IL1RAPL2: variants seen among roughly 807,000 people sequenced by gnomAD.
IL1RAPL2 encodes the protein interleukin 1 receptor accessory protein like 2.
In IL1RAPL2, 3 loss-of-function variants were observed where a neutral mutation model predicts 44.1. That is an observed-to-expected ratio of 0.07 (90% CI 0.03 to 0.18). The LOEUF is 0.18. Among genes scored for constraint, IL1RAPL2 ranks in the 10% least tolerant of loss-of-function variants. The pLI is 1.00. For missense variants in IL1RAPL2, 391 were observed against 496.4 expected (o/e 0.79, Z 2.02); for synonymous variants, 181 against 178.8 (o/e 1.01, Z -0.10).
rs753996218 is a variant in IL1RAPL2 at position 105,320,403 on chromosome X, G to C, written c.697+52862G>C. Among the ~76,000 whole-genome samples the C allele has an allele frequency of 8.2e-3, 917 of 111,846 alleles. 5 individuals carry two copies. Among genetic ancestry groups the C allele is most frequent in the Non-Finnish European group, 0.014 (764 of 53,176 alleles). On this transcript the variant is annotated intron_variant, in intron 5 of 10. Transcript: ENST00000372582. Reference sequence around the variant, plus strand: ...GGGGCAATAAGGAGAAGAAATGGCTGCCTACTAGGCAACTGCACACATTCA... The same window carrying C: ...GGGGCAATAAGGAGAAGAAATGGCTCCCTACTAGGCAACTGCACACATTCA...
chrX:105,065,551 A>G (rs1259978552), intron 2 of IL1RAPL2, among the ~76,000 whole-genome samples: 1 of 111,695 alleles, frequency 9.0e-6, no homozygotes, highest in African/African-American at 3.3e-5. Flanking sequence ...AAGATTGGGA[A>G]TAGAGTCTCA....
At chrX:105,609,922 T>C (rs559546060) in intron 6 of IL1RAPL2, among the ~76,000 whole-genome samples, 2 of 112,154 alleles carry the variant, frequency 1.8e-5, no homozygotes, top group South Asian at 7.4e-4. Context: ...TTGCAGTAGG[T>C]GTTCATTTTA....
intron 2 of IL1RAPL2, among the ~76,000 whole-genome samples, chrX:105,078,827 A>G (rs1377303515): frequency 1.8e-5 from 2 of 112,688 alleles, no homozygotes; most frequent in East Asian, 5.7e-4. Context: ...AGGACCCTCC[A>G]AGCCAGGTGC....
chrX:105,226,944 G>A (rs1273523032), intron 3 of IL1RAPL2, among the ~76,000 whole-genome samples: 1 of 108,972 alleles, frequency 9.2e-6, no homozygotes, highest in Non-Finnish European at 1.9e-5. Flanking sequence ...CTATAAGAAA[G>A]TTATGCTTAA....
At chrX:105,353,411 C>T (rs1444447919) in intron 5 of IL1RAPL2, among the ~76,000 whole-genome samples, 18 of 111,299 alleles carry the variant, frequency 1.6e-4, no homozygotes, top group African/African-American at 2.0e-4. Context: ...CTTGGCAACG[C>T]GGGCTCTTTT....
intron 2 of IL1RAPL2, among the ~76,000 whole-genome samples, chrX:105,180,011 C>T (rs935630555): frequency 9.2e-6 from 1 of 109,032 alleles, no homozygotes; most frequent in African/African-American, 3.4e-5. Flanking sequence ...CTGGCTAGGA[C>T]GTCCAGTACT....
chrX:105,038,503 A>T (rs930945563), intron 2 of IL1RAPL2, among the ~76,000 whole-genome samples: 2 of 111,204 alleles, frequency 1.8e-5, no homozygotes, highest in African/African-American at 6.5e-5. Context: ...ATCTCATCAT[A>T]CCACTTTGGT....
chrX:105,321,272 G>C (rs1396114696), intron 5 of IL1RAPL2, among the ~76,000 whole-genome samples: 2 of 111,756 alleles, frequency 1.8e-5, no homozygotes, highest in Non-Finnish European at 3.8e-5. Context: ...TTTTTTAGAA[G>C]AGACAACTGA....
intron 2 of IL1RAPL2, among the ~76,000 whole-genome samples, chrX:104,765,391 T>C (rs993886601): frequency 2.7e-5 from 3 of 111,957 alleles, no homozygotes; most frequent in Non-Finnish European, 5.6e-5. Flanking sequence ...TTAAAAGAAA[T>C]ATCCTGCTGA....
intron 2 of IL1RAPL2, among the ~76,000 whole-genome samples, chrX:104,796,506 TG>T (rs1250031194): frequency 4.5e-5 from 5 of 112,269 alleles, no homozygotes; most frequent in Admixed American, 9.4e-5. Context: ...ATTCATGGGC[TG>T]GCCCAAAGGG....
chrX:104,967,218 T>A (rs2030141545), intron 2 of IL1RAPL2, among the ~76,000 whole-genome samples: 1 of 112,071 alleles, frequency 8.9e-6, no homozygotes, highest in Non-Finnish European at 1.9e-5. Flanking sequence ...CATGTTCTCT[T>A]AACTCAATAC....
chrX:105,285,195 C>T (rs1288193198), intron 5 of IL1RAPL2, among the ~76,000 whole-genome samples: 1 of 112,041 alleles, frequency 8.9e-6, no homozygotes, highest in African/African-American at 3.2e-5. Flanking sequence ...TATCTTTTCT[C>T]TGCCAAGGCA....
At chrX:105,708,194 G>T (rs1197663395) in intron 6 of IL1RAPL2, among the ~76,000 whole-genome samples, 1 of 111,292 alleles carries the variant, frequency 9.0e-6, no homozygotes, top group African/African-American at 3.3e-5. Context: ...GGATTATTTT[G>T]AACATCATTT....
At chrX:104,905,657 A>G (rs1218480270) in intron 2 of IL1RAPL2, among the ~76,000 whole-genome samples, 3 of 111,184 alleles carry the variant, frequency 2.7e-5, no homozygotes, top group Non-Finnish European at 5.7e-5. Context: ...TGTTCCACTG[A>G]TCTATATCTC....
intron 5 of IL1RAPL2, among the ~76,000 whole-genome samples, chrX:105,272,023 A>G (rs989401464): frequency 2.8e-5 from 3 of 108,381 alleles, no homozygotes; most frequent in Non-Finnish European, 5.7e-5. Context: ...TCAGTAAACT[A>G]TCGCAAGAAC....
intron 6 of IL1RAPL2, among the ~76,000 whole-genome samples, chrX:105,520,413 T>C (rs781347497): frequency 8.9e-6 from 1 of 112,218 alleles, no homozygotes. Context: ...CGACTTATCA[T>C]AGATTAATCA....
intron 2 of IL1RAPL2, among the ~76,000 whole-genome samples, chrX:104,933,263 T>C (rs1924949836): frequency 9.0e-6 from 1 of 110,723 alleles, no homozygotes; most frequent in African/African-American, 3.3e-5. Flanking sequence ...GAACTTAAAA[T>C]ATAATAAGAA....
intron 2 of IL1RAPL2, among the ~76,000 whole-genome samples, chrX:104,661,375 C>A (rs1000181420): frequency 9.0e-6 from 1 of 111,203 alleles, no homozygotes; most frequent in Non-Finnish European, 1.9e-5. Flanking sequence ...ATGGTGTATA[C>A]GGAGTAGGCA....
intron 6 of IL1RAPL2, among the ~76,000 whole-genome samples, chrX:105,649,068 G>A (rs1005200978): frequency 3.6e-5 from 4 of 111,607 alleles, no homozygotes; most frequent in African/African-American, 1.3e-4. Context: ...CTGAAAGTTA[G>A]TGTACATCCA....
Sources: allele counts gnomAD v4.1 joint callset (sites outside exome capture counted in the v4.1 genomes callset), GRCh38; gene constraint gnomAD v4.1.1; transcripts MANE v1.5; gene names NCBI Gene and HGNC (gene_info 2026-07-23, HGNC 2026-07-21).